Variants in ZNG1B observed in about 807,000 individuals in gnomAD.
The protein encoded by ZNG1B is Zn regulated GTPase metalloprotein activator 1B.
chr2:113,442,453 T>A, the ZNG1B span, among the ~76,000 whole-genome samples: 1 of 152,254 alleles, frequency 6.6e-6, no homozygotes, highest in Non-Finnish European at 1.5e-5. Flanking sequence ...CTAGGTTTTA[T>A]GAACAGGATG....
the ZNG1B span, among the ~76,000 whole-genome samples, chr2:113,457,681 G>A: frequency 4.1e-5 from 6 of 146,628 alleles, no homozygotes; most frequent in African/African-American, 1.2e-4. Context: ...ATATATTTAA[G>A]GTATACAATG....
At chr2:113,446,776 A>ACG in the ZNG1B span, among the ~76,000 whole-genome samples, 1 of 81,428 alleles carries the variant, frequency 1.2e-5, no homozygotes, top group African/African-American at 5.6e-5. Flanking sequence ...GCACACGCAC[A>ACG]CACACACACA....
At chr2:113,447,112 T>G in the ZNG1B span, among the ~76,000 whole-genome samples, 1 of 136,960 alleles carries the variant, frequency 7.3e-6, no homozygotes, top group African/African-American at 2.8e-5. Flanking sequence ...ACACACATTT[T>G]TTTGTTTCCC....
At chr2:113,461,027 T>TTATATATA in the ZNG1B span, among the ~76,000 whole-genome samples, 1,082 of 144,330 alleles carry the variant, frequency 7.5e-3, 16 homozygotes, top group African/African-American at 0.026. Flanking sequence ...ATTGAAGATT[T>TTATATATA]TATATATATA....
chr2:113,442,910 T>C, the ZNG1B span, among the ~76,000 whole-genome samples: 2 of 152,076 alleles, frequency 1.3e-5, no homozygotes, highest in Non-Finnish European at 1.5e-5. Flanking sequence ...ATTTCAAATA[T>C]AGTTTATTCT....
chr2:113,486,397 G>A, the ZNG1B span, among the ~76,000 whole-genome samples: 53 of 143,876 alleles, frequency 3.7e-4, no homozygotes, highest in Admixed American at 5.7e-4. Flanking sequence ...TCATACTGGA[G>A]TTTATTGTAC....
chr2:113,474,580 T>C, the ZNG1B span, among the ~76,000 whole-genome samples: 2 of 145,620 alleles, frequency 1.4e-5, no homozygotes, highest in Non-Finnish European at 3.0e-5. Flanking sequence ...ATTGTGATGT[T>C]AGGTTGTCAA....
the ZNG1B span, chr2:113,437,703 G>T: frequency 2.7e-6 from 4 of 1,507,056 alleles, no homozygotes; most frequent in Non-Finnish European, 1.8e-6. Flanking sequence ...GGGACGAGGC[G>T]CTTCTCGTCC....
the ZNG1B span, among the ~76,000 whole-genome samples, chr2:113,472,803 C>T: frequency 1.3e-4 from 19 of 151,722 alleles, no homozygotes; most frequent in Admixed American, 3.9e-4. Context: ...TGTAGATATG[C>T]GGCGTTATTT....
At chr2:113,479,817 CTT>C in the ZNG1B span, among the ~76,000 whole-genome samples, 9 of 135,642 alleles carry the variant, frequency 6.6e-5, no homozygotes, top group Admixed American at 1.5e-4. Flanking sequence ...ATTTGCCTTT[CTT>C]TTTTTTTTTT....
At chr2:113,487,698 TATGACGGGA>T in the ZNG1B span, among the ~76,000 whole-genome samples, 2 of 144,854 alleles carry the variant, frequency 1.4e-5, no homozygotes, top group African/African-American at 5.8e-5. Flanking sequence ...TGTTGTAGTA[TATGACGGGA>T]TTTTTTTTAA....
At chr2:113,455,632 G>A in the ZNG1B span, 18 of 1,286,856 alleles carry the variant, frequency 1.4e-5, no homozygotes, top group Non-Finnish European at 1.8e-5. Flanking sequence ...CATATGGATA[G>A]GGCCCAAAGC....
chr2:113,468,375 T>C, the ZNG1B span, among the ~76,000 whole-genome samples: 1 of 148,696 alleles, frequency 6.7e-6, no homozygotes. Context: ...CACCCCCACC[T>C]TGGAGAGCCA....
chr2:113,455,629 A>T, the ZNG1B span: 1 of 1,287,090 alleles, frequency 7.8e-7, no homozygotes, highest in Non-Finnish European at 1.0e-6. Context: ...GAGCATATGG[A>T]TAGGGCCCAA....
chr2:113,478,348 T>G, the ZNG1B span, among the ~76,000 whole-genome samples: 1 of 152,156 alleles, frequency 6.6e-6, no homozygotes, highest in Non-Finnish European at 1.5e-5. Flanking sequence ...CAAACATGGC[T>G]TACTGCAGCC....
the ZNG1B span, among the ~76,000 whole-genome samples, chr2:113,476,591 C>T: frequency 6.7e-6 from 1 of 149,270 alleles, no homozygotes; most frequent in East Asian, 2.0e-4. Context: ...AGGAGAGGCG[C>T]TCTGCTTTTT....
At chr2:113,449,381 C>T in the ZNG1B span, among the ~76,000 whole-genome samples, 2,327 of 108,612 alleles carry the variant, frequency 0.021, 43 homozygotes, top group East Asian at 0.042. Flanking sequence ...ACTTCCTCAC[C>T]AAGCATAATC....
chr2:113,450,990 A>T, the ZNG1B span, among the ~76,000 whole-genome samples: 1 of 151,208 alleles, frequency 6.6e-6, no homozygotes, highest in East Asian at 2.0e-4. Flanking sequence ...TATGAATAAA[A>T]TTCCTTTGCC....
chr2:113,478,928 C>G, the ZNG1B span, among the ~76,000 whole-genome samples: 31 of 151,302 alleles, frequency 2.0e-4, no homozygotes, highest in African/African-American at 7.3e-4. Flanking sequence ...GTCAGTGATA[C>G]AGTTATTCAA....
Sources: gnomAD v4.1 joint callset for allele counts (sites outside exome capture counted in the v4.1 genomes callset) on GRCh38, gnomAD v4.1.1 for gene constraint, MANE v1.5 for transcripts, NCBI Gene and HGNC (gene_info 2026-07-23, HGNC 2026-07-21) for gene names.